RAD51B: variants seen among roughly 807,000 people sequenced by gnomAD.
RAD51B encodes DNA repair protein RAD51 homolog 2.
Under a neutral mutation model 42.2 loss-of-function variants are expected in RAD51B, and 38 were observed. That is an observed-to-expected ratio of 0.90 (90% CI 0.70 to 1.18). The LOEUF (loss-of-function observed/expected upper bound fraction) is 1.18, where lower values mean the gene tolerates loss of function less well. Among genes scored for constraint, RAD51B ranks in the 50% most tolerant of loss-of-function variants. RAD51B has a pLI of 0.00. For missense variants in RAD51B, 373 were observed against 400.7 expected (o/e 0.93, Z 0.59); for synonymous variants, 154 against 145.2 (o/e 1.06, Z -0.43).
chr14:68,139,034 A>AT (rs35729915), intron 7 of RAD51B, among the ~76,000 whole-genome samples: 16,805 of 151,508 alleles, frequency 0.11, 2,828 homozygotes, highest in African/African-American at 0.36. Flanking sequence ...GATAAAGATG[A>AT]TTTTTTTTTG....
chr14:68,489,474 G>A (rs2140278368), intron 10 of RAD51B, among the ~76,000 whole-genome samples: 1 of 152,314 alleles, frequency 6.6e-6, no homozygotes, highest in Non-Finnish European at 1.5e-5. Flanking sequence ...CAGTAACTGT[G>A]AGCTGGTATT....
intron 10 of RAD51B, among the ~76,000 whole-genome samples, chr14:68,568,377 C>T (rs1048890171): frequency 6.6e-6 from 1 of 152,200 alleles, no homozygotes; most frequent in Non-Finnish European, 1.5e-5. Flanking sequence ...CAGAGAGCTG[C>T]AAGTGGTACA....
Position 67,865,116 on chromosome 14 carries a change from A to T in RAD51B, c.429A>T (p.Thr143=). ...AAGGAGCTGTGGTGTACATTGACAC[A>T]GAGTCTGCATTTAGTGCTGAAAGGT... is the stretch of plus-strand genomic sequence containing the variant. ...GLEGAVVYID[T]ESAFSAERLV... Residue 143 remains threonine, a synonymous_variant, in exon 5 of 11, where the codon ACA becomes ACT. Transcript: ENST00000471583. The T allele has an allele frequency of 6.2e-7, 1 of 1,602,568 alleles. No homozygotes were observed. The highest frequency in any genetic ancestry group is 8.5e-7 in the Non-Finnish European group (1 of 1,174,912).
chr14:68,298,583 T>G (rs1219289150), intron 8 of RAD51B, among the ~76,000 whole-genome samples: 1 of 152,210 alleles, frequency 6.6e-6, no homozygotes, highest in East Asian at 1.9e-4. Context: ...ACTGTCTAAT[T>G]TCTCAAATCT....
chr14:68,128,432 C>G (rs970518303), intron 7 of RAD51B, among the ~76,000 whole-genome samples: 1 of 152,176 alleles, frequency 6.6e-6, no homozygotes, highest in African/African-American at 2.4e-5. Flanking sequence ...CAGTGGCTCA[C>G]TCGTATAATC....
chr14:68,168,407 C>T (rs1053156608), intron 7 of RAD51B, among the ~76,000 whole-genome samples: 3 of 152,062 alleles, frequency 2.0e-5, no homozygotes, highest in African/African-American at 7.2e-5. Flanking sequence ...CGTTTACCAA[C>T]GATCTATGAG....
intron 5 of RAD51B, among the ~76,000 whole-genome samples, chr14:67,880,119 G>A (rs568769998): frequency 2.0e-5 from 3 of 152,204 alleles, no homozygotes; most frequent in African/African-American, 7.2e-5. Flanking sequence ...AATTTCATTA[G>A]TATCTCCACT....
chr14:68,576,557 G>C (rs904632463), intron 10 of RAD51B, among the ~76,000 whole-genome samples: 20 of 152,194 alleles, frequency 1.3e-4, no homozygotes, highest in African/African-American at 3.9e-4. Flanking sequence ...TTTCCAGATG[G>C]AGATGCTAAA....
intron 7 of RAD51B, among the ~76,000 whole-genome samples, chr14:68,108,699 G>A (rs1476174196): frequency 6.6e-6 from 1 of 151,814 alleles, no homozygotes; most frequent in African/African-American, 2.4e-5. Context: ...ATTGGTGATG[G>A]TTATAAAACT....
At chr14:68,306,049 A>G (rs1411926239) in intron 8 of RAD51B, among the ~76,000 whole-genome samples, 1 of 152,176 alleles carries the variant, frequency 6.6e-6, no homozygotes, top group Non-Finnish European at 1.5e-5. Context: ...CTTGGTTCCC[A>G]CATCCGTCCC....
intron 8 of RAD51B, among the ~76,000 whole-genome samples, chr14:68,308,406 C>A (rs1368672444): frequency 6.6e-6 from 1 of 152,044 alleles, no homozygotes; most frequent in African/African-American, 2.4e-5. Flanking sequence ...CCTATTTCTA[C>A]CTCTTAACAA....
At chr14:67,925,302 C>T (rs745723036) in intron 7 of RAD51B, among the ~76,000 whole-genome samples, 1 of 151,930 alleles carries the variant, frequency 6.6e-6, no homozygotes, top group African/African-American at 2.4e-5. Flanking sequence ...GACAGAGTCT[C>T]GCTCTGTCAC....
chr14:68,611,085 G>A (rs1891663229), exon 11 of RAD51B: 1 of 703,026 alleles, frequency 1.4e-6, no homozygotes, highest in Non-Finnish European at 2.6e-6. Context: ...CTACCTTCCT[G>A]ATACCTGATG....
intron 7 of RAD51B, among the ~76,000 whole-genome samples, chr14:67,974,572 T>C (rs1378141683): frequency 6.6e-6 from 1 of 152,116 alleles, no homozygotes; most frequent in African/African-American, 2.4e-5. Context: ...TCTTTTGTCA[T>C]AAGGAGGGTA....
At chr14:68,455,160 A>G (rs537417467) in intron 9 of RAD51B, among the ~76,000 whole-genome samples, 2 of 152,340 alleles carry the variant, frequency 1.3e-5, no homozygotes, top group East Asian at 1.9e-4. Context: ...GGGACCTTCA[A>G]TAAAATTAAC....
intron 5 of RAD51B, among the ~76,000 whole-genome samples, chr14:67,868,340 A>G (rs1032681423): frequency 5.1e-4 from 78 of 152,318 alleles, no homozygotes; most frequent in African/African-American, 1.8e-3. Context: ...CACCTGGAAA[A>G]TCGGGTCACT....
intron 7 of RAD51B, among the ~76,000 whole-genome samples, chr14:68,174,868 A>C (rs1429446346): frequency 1.3e-5 from 2 of 152,198 alleles, no homozygotes; most frequent in African/African-American, 4.8e-5. Context: ...TTACATAAGA[A>C]AATTTAATTC....
chr14:68,091,377 T>C (rs1164334008), intron 7 of RAD51B, among the ~76,000 whole-genome samples: 1 of 152,212 alleles, frequency 6.6e-6, no homozygotes, highest in Non-Finnish European at 1.5e-5. Flanking sequence ...TTTCCTGACT[T>C]TTTAATGATC....
chr14:68,159,401 C>A (rs1015551552), intron 7 of RAD51B, among the ~76,000 whole-genome samples: 2 of 152,022 alleles, frequency 1.3e-5, no homozygotes, highest in African/African-American at 4.8e-5. Context: ...GTGGGCGGAT[C>A]ATGAGGTCAG....
Sources: allele counts gnomAD v4.1 joint callset (sites outside exome capture counted in the v4.1 genomes callset), GRCh38; gene constraint gnomAD v4.1.1; transcripts MANE v1.5; gene names NCBI Gene and HGNC (gene_info 2026-07-23, HGNC 2026-07-21).